NDUFAF6: variants seen among roughly 807,000 people sequenced by gnomAD.
NDUFAF6 encodes the protein NADH dehydrogenase (ubiquinone) complex I, assembly factor 6.
A neutral mutation model predicts 40.8 loss-of-function variants in NDUFAF6; 45 were observed. The ratio of observed to expected loss-of-function variants is 1.10; its 90% CI spans 0.87 to 1.42. The LOEUF (loss-of-function observed/expected upper bound fraction) is 1.42, where lower values mean the gene tolerates loss of function less well. NDUFAF6 is among the 40% of genes most tolerant of loss of function. The pLI is 0.00. For missense variants in NDUFAF6, 435 were observed against 418.5 expected (o/e 1.04, Z -0.34); for synonymous variants, 185 against 155.9 (o/e 1.19, Z -1.39).
chr8:95,113,030 G>A (rs569890847), intron 4 of NDUFAF6, among the ~76,000 whole-genome samples: 2 of 152,278 alleles, frequency 1.3e-5, no homozygotes, highest in South Asian at 4.1e-4. Flanking sequence ...GTATACCAGG[G>A]CCTGTGCTGA....
At chr8:95,111,393 C>T (rs1199897726) in intron 4 of NDUFAF6, among the ~76,000 whole-genome samples, 3 of 152,204 alleles carry the variant, frequency 2.0e-5, no homozygotes, top group Non-Finnish European at 4.4e-5. Flanking sequence ...CATATGTATC[C>T]TTTAAATACA....
Position 95,081,242 on chromosome 8 carries a change from A to C in NDUFAF6, n.213+5490A>C, listed in dbSNP as rs373432085. ...TGCAGTGGTGCGATCTCAGCTCACT[A>C]TAACCTCTGCCTCCCAAGTTCAAGC... On this transcript the variant is annotated intron_variant and non_coding_transcript_variant, in intron 2 of 5. Transcript: ENST00000523184. Among the ~76,000 whole-genome samples, 52 of 135,288 alleles carry C rather than the reference A, an allele frequency of 3.8e-4. No homozygotes were observed. In the East Asian group the frequency reaches 0.01, roughly 27 times the overall value. 88.8% of individuals were successfully genotyped at this position (135,288 alleles called of 152,430 possible). A position where few individuals can be genotyped will look rare whatever the true frequency, so the allele number is the denominator to read the frequency against.
At chr8:95,011,301 G>A (rs1335847598) in intron 2 of NDUFAF6, among the ~76,000 whole-genome samples, 3 of 152,234 alleles carry the variant, frequency 2.0e-5, no homozygotes, top group African/African-American at 7.2e-5. Flanking sequence ...CTTTCCCAAA[G>A]AGACAAGTCT....
intron 1 of NDUFAF6, 122 bp downstream of exon 1, chr8:95,025,327 G>C (rs775967670): frequency 5.2e-4 from 545 of 1,042,436 alleles, no homozygotes; most frequent in Non-Finnish European, 6.2e-4. Flanking sequence ...TGCCCCTCTG[G>C]GTGTGCGTTC....
chr8:94,997,343 C>CACACACACACACACACACAGAG (rs1242904810), intron 2 of NDUFAF6, among the ~76,000 whole-genome samples: 3 of 90,572 alleles, frequency 3.3e-5, no homozygotes, highest in African/African-American at 9.1e-5. Context: ...CACACACACA[C>CACACACACACACACACACAGAG]AGAGAGAGAG....
chr8:95,099,501 C>T (rs558932609), upstream of NDUFAF6, among the ~76,000 whole-genome samples: 6 of 151,790 alleles, frequency 4.0e-5, no homozygotes, highest in African/African-American at 1.2e-4. Context: ...ATCCCAGCTA[C>T]TAAAGAGGCT....
intron 1 of NDUFAF6, chr8:94,927,453 A>G (rs919812148): frequency 6.6e-6 from 1 of 152,220 alleles, no homozygotes; most frequent in Non-Finnish European, 1.5e-5. Flanking sequence ...AAACAGGAAC[A>G]GTTTGCATGG....
chr8:94,961,309 C>T (rs1238442202), intron 1 of NDUFAF6, among the ~76,000 whole-genome samples: 3 of 152,240 alleles, frequency 2.0e-5, no homozygotes, highest in Non-Finnish European at 4.4e-5. Flanking sequence ...GAACTTTTAC[C>T]ATTTTAAATC....
rs1962465 is a variant in NDUFAF6 at position 95,006,260 on chromosome 8, A to G, written c.-84+25287A>G. On this transcript the variant is annotated intron_variant, in intron 2 of 9. Transcript: ENST00000396111. ...GTAATCCCAGCTACTCAGGAGGCTG[A>G]GGCAGAATTGCTTGAACCTGGGAGG... Among the ~76,000 whole-genome samples the G allele has an allele frequency of 5.2e-3, 777 of 149,344 alleles. 6 individuals are homozygous for G. Among genetic ancestry groups the G allele is most frequent in the African/African-American group, 0.018 (738 of 40,482 alleles).
chr8:95,007,079 A>AT (rs1402556487), intron 2 of NDUFAF6, among the ~76,000 whole-genome samples: 1 of 151,766 alleles, frequency 6.6e-6, no homozygotes, highest in African/African-American at 2.4e-5. Context: ...CAGGTTTCTT[A>AT]TACTATAGTT....
intron 7 of NDUFAF6, 83 bp downstream of exon 7, chr8:95,048,641 C>T: frequency 1.1e-6 from 1 of 951,454 alleles, no homozygotes; most frequent in South Asian, 1.3e-5. Flanking sequence ...TTATGATATT[C>T]CCAACTTGGC....
intron 2 of NDUFAF6, among the ~76,000 whole-genome samples, chr8:95,013,056 A>G (rs1198787715): frequency 1.3e-5 from 2 of 152,004 alleles, no homozygotes; most frequent in African/African-American, 2.4e-5. Context: ...TTTCAAAGGA[A>G]TGGTACTTGT....
At chr8:95,090,041 G>C (rs1008073076) in intron 2 of NDUFAF6, among the ~76,000 whole-genome samples, 2 of 152,052 alleles carry the variant, frequency 1.3e-5, no homozygotes, top group African/African-American at 4.8e-5. Context: ...CTGGCATCCC[G>C]GCAAGAGGTG....
chr8:94,966,616 A>G (rs1467192125), intron 1 of NDUFAF6, among the ~76,000 whole-genome samples: 1 of 152,116 alleles, frequency 6.6e-6, no homozygotes, highest in Non-Finnish European at 1.5e-5. Context: ...TAAATAACAC[A>G]AAGGCAATGA....
intron 2 of NDUFAF6, among the ~76,000 whole-genome samples, chr8:95,032,909 C>T (rs545384049): frequency 6.6e-6 from 1 of 152,244 alleles, no homozygotes; most frequent in East Asian, 1.9e-4. Context: ...TGGTATCTTC[C>T]TGGAAGTCAT....
At chr8:95,082,583 GC>G in intron 2 of NDUFAF6, among the ~76,000 whole-genome samples, 2 of 151,672 alleles carry the variant, frequency 1.3e-5, no homozygotes, top group Non-Finnish European at 2.9e-5. Context: ...TGTGGTAGGG[GC>G]GGGGGTGGGA....
At chr8:95,040,800 C>T (rs893177393) in intron 3 of NDUFAF6, 6 of 152,220 alleles carry the variant, frequency 3.9e-5, no homozygotes, top group African/African-American at 1.4e-4. Flanking sequence ...TTCTTATTTT[C>T]TGACACAATA....
At chr8:94,938,905 T>A (rs1018569282) in intron 1 of NDUFAF6, among the ~76,000 whole-genome samples, 1 of 152,216 alleles carries the variant, frequency 6.6e-6, no homozygotes, top group African/African-American at 2.4e-5. Flanking sequence ...GGGCTTGAGA[T>A]TGGCATCAGA....
At chr8:95,089,699 G>A (rs1206052044) in intron 2 of NDUFAF6, among the ~76,000 whole-genome samples, 1 of 152,054 alleles carries the variant, frequency 6.6e-6, no homozygotes, top group Non-Finnish European at 1.5e-5. Context: ...TCTTCCAAAT[G>A]GACCCAAATT....
Sources: gnomAD v4.1 joint callset for allele counts (sites outside exome capture counted in the v4.1 genomes callset) on GRCh38, gnomAD v4.1.1 for gene constraint, MANE v1.5 for transcripts, NCBI Gene and HGNC (gene_info 2026-07-23, HGNC 2026-07-21) for gene names.